The following TCF4 variants were observed in gnomAD, a reference collection of about 807,000 sequenced individuals.
TCF4 encodes the protein SL3-3 enhancer factor 2.
Under a neutral mutation model 82.1 loss-of-function variants are expected in TCF4, and 3 were observed. That is an observed-to-expected ratio of 0.04 (90% CI 0.02 to 0.09). The LOEUF is 0.09. Among genes scored for constraint, TCF4 ranks in the 10% least tolerant of loss-of-function variants. TCF4 has a pLI of 1.00. For synonymous variants in TCF4, 276 were observed against 309.6 expected, an observed-to-expected ratio of 0.89 and a Z score of 1.14; for missense variants, 518 against 852.7, an observed-to-expected ratio of 0.61 and a Z score of 4.89.
intron 3 of TCF4, among the ~76,000 whole-genome samples, chr18:55,513,142 T>G (rs749452373): frequency 1.8e-4 from 27 of 152,288 alleles, no homozygotes; most frequent in Non-Finnish European, 3.2e-4. Context: ...TCACCTGGCA[T>G]GAAGACGATA....
At chr18:55,464,200 CTTTCAAATTAATG>C (rs2095952586) in intron 3 of TCF4, 63 bp from the exon 4 acceptor site, 2 of 1,380,264 alleles carry the variant, frequency 1.4e-6, no homozygotes, top group African/African-American at 1.4e-5. Context: ...TGTATATGCA[CTTTCAAATTAATG>C]TTTCAAATTA....
intron 2 of TCF4, 56 bp from the exon 3 acceptor site, chr18:55,585,408 C>T (rs2147849960): frequency 6.7e-7 from 1 of 1,482,732 alleles, no homozygotes; most frequent in Non-Finnish European, 9.4e-7. Context: ...GCCTTCAGAG[C>T]TCCTCAAAGA....
At chr18:55,282,597 TAA>T in intron 8 of TCF4, among the ~76,000 whole-genome samples, 1 of 152,234 alleles carries the variant, frequency 6.6e-6, no homozygotes, top group Non-Finnish European at 1.5e-5. Context: ...ATTATTATTC[TAA>T]GTATATAGAA....
At chr18:55,474,297 T>C (rs1336602675) in intron 3 of TCF4, among the ~76,000 whole-genome samples, 2 of 152,194 alleles carry the variant, frequency 1.3e-5, no homozygotes, top group Middle Eastern at 3.2e-3. Flanking sequence ...ACCTTGTTCA[T>C]CAGAATTGTA....
In TCF4 at chr18:55,588,108, GCCA is replaced by G; in HGVS notation, c.-94_-92del. On this transcript the variant is annotated 5_prime_UTR_variant, in exon 1 of 20. Coordinates refer to ENST00000354452, the MANE Select transcript of TCF4 (RefSeq NM_001083962.2). Reference sequence around the variant, plus strand: ...GCGGCGTTCATGTCTAACCGCCGCCGCCACCGCCGCCGCCTGCTCCTGCGCCCG... The same window carrying G: ...GCGGCGTTCATGTCTAACCGCCGCCGCCGCCGCCGCCTGCTCCTGCGCCCG... 9.7e-7 allele frequency: 1 copy of G among 1,027,300 alleles called. No homozygotes were observed. Among genetic ancestry groups the G allele is most frequent in the Non-Finnish European group, 1.2e-6 (1 of 862,192 alleles). The allele number at this position is 1,027,300 out of a possible 1,614,324, so 63.6% of individuals were successfully genotyped here. A position where few individuals can be genotyped will look rare whatever the true frequency, so the allele number is the denominator to read the frequency against.
intron 6 of TCF4, among the ~76,000 whole-genome samples, chr18:55,395,933 TC>T (rs146918426): frequency 1.3e-5 from 2 of 151,920 alleles, no homozygotes; most frequent in Non-Finnish European, 2.9e-5. Context: ...AATCTTTTTT[TC>T]CCCCCCTTAA....
intron 8 of TCF4, chr18:55,284,278 G>A (rs1328408492): frequency 2.0e-5 from 3 of 152,166 alleles, no homozygotes; most frequent in East Asian, 1.9e-4. Context: ...CAGGTGTGGC[G>A]GCATGCACCT....
At chr18:55,620,635 C>T (rs1490423734) in intron 2 of TCF4, among the ~76,000 whole-genome samples, 3 of 152,168 alleles carry the variant, frequency 2.0e-5, no homozygotes, top group East Asian at 1.9e-4. Context: ...CTGAGTTCTG[C>T]TTAGGTTTTA....
At chr18:55,581,219 G>A (rs1055413102) in intron 3 of TCF4, among the ~76,000 whole-genome samples, 2 of 152,018 alleles carry the variant, frequency 1.3e-5, no homozygotes, top group Admixed American at 6.6e-5. Context: ...ACAGCAGTGA[G>A]ACCAAGGTTA....
chr18:55,302,642 C>T lies in TCF4; in HGVS notation c.550-22986G>A, dbSNP rs73960228. On this transcript the variant is annotated intron_variant, in intron 8 of 19. Coordinates refer to ENST00000354452, the MANE Select transcript of TCF4 (RefSeq NM_001083962.2). ...TATGAAACTCAGACCCGCAGATGTCCGCTGTGAGGCCTGTGGCTGGCCTAG... is the reference window on the plus strand; with the variant it reads ...TATGAAACTCAGACCCGCAGATGTCTGCTGTGAGGCCTGTGGCTGGCCTAG... 0.011 allele frequency: 16,178 copies of T among 1,490,416 alleles called. 1,371 individuals are homozygous for T. In the African/African-American group the frequency reaches 0.19, roughly 18 times the overall value. The allele number at this position is 1,490,416 out of a possible 1,614,324, so 92.3% of individuals were successfully genotyped here.
upstream of TCF4, chr18:55,589,266 A>G: frequency 9.5e-7 from 1 of 1,051,008 alleles, no homozygotes; most frequent in Non-Finnish European, 1.1e-6. Flanking sequence ...AATTACAAAC[A>G]GTTTACTCTG....
At chr18:55,263,833 G>C (rs182706793) in intron 11 of TCF4, among the ~76,000 whole-genome samples, 2 of 150,820 alleles carry the variant, frequency 1.3e-5, no homozygotes, top group African/African-American at 4.9e-5. Context: ...TTTGAATATA[G>C]ATTTTCACAA....
rs549463401 is a variant in TCF4, at chr18:55,596,078, C to T, written c.287-8942G>A. Reference sequence around the variant, plus strand: ...TGAAACCCCGTCTCTACTAAAAATACAAAAATTAGCCTCGAGTGATGACTC... The same window carrying T: ...TGAAACCCCGTCTCTACTAAAAATATAAAAATTAGCCTCGAGTGATGACTC... On this transcript the variant is annotated intron_variant, in intron 2 of 20. Transcript: ENST00000398339. 170 of 435,230 alleles carry T rather than the reference C, an allele frequency of 3.9e-4. 1 individual carries two copies. The highest frequency in any genetic ancestry group is 6.5e-4 in the Admixed American group (26 of 40,272). The allele number at this position is 435,230 out of a possible 1,614,324, so 27.0% of individuals were successfully genotyped here.
rs763834617 is a variant in TCF4 at position 55,260,054 on chromosome 18, A to G, written c.991-27T>C. The stretch of plus-strand genomic sequence containing the variant: ...TTAAAACAATAAGGAGAAAAAAAAA[A>G]CACCCTCATTCATTAAAATAATTCA... On this transcript the variant is annotated intron_variant, in intron 12 of 19. Transcript: ENST00000354452. The G allele has an allele frequency of 2.7e-6, 4 of 1,506,482 alleles. No homozygotes were observed. The East Asian group carries it at 6.8e-5, about 25-fold the overall frequency. The allele number at this position is 1,506,482 out of a possible 1,614,324, so 93.3% of individuals were successfully genotyped here.
At chr18:55,610,858 G>A (rs1219949234) in intron 2 of TCF4, among the ~76,000 whole-genome samples, 1 of 152,136 alleles carries the variant, frequency 6.6e-6, no homozygotes, top group Non-Finnish European at 1.5e-5. Context: ...TGATGAAAAT[G>A]GAACACTACC....
chr18:55,621,619 T>A (rs1343907036), intron 2 of TCF4, among the ~76,000 whole-genome samples: 52 of 21,864 alleles, frequency 2.4e-3, no homozygotes, highest in African/African-American at 8.9e-3. Context: ...TATATAATAT[T>A]ATATATAATA....
intron 3 of TCF4, among the ~76,000 whole-genome samples, chr18:55,544,749 C>G (rs2097191378): frequency 6.6e-6 from 1 of 152,110 alleles, no homozygotes; most frequent in South Asian, 2.1e-4. Flanking sequence ...TAATCACCTG[C>G]TGCCCTATGG....
chr18:55,305,538 A>G (rs934460109), intron 8 of TCF4, among the ~76,000 whole-genome samples: 4 of 152,246 alleles, frequency 2.6e-5, no homozygotes. Flanking sequence ...AATGCACAGC[A>G]CTAACTGAAT....
Position 55,588,182 on chromosome 18 carries a change from T to C in TCF4, c.-165A>G. 8.6e-7 allele frequency: 1 copy of C among 1,160,360 alleles called. No homozygotes were observed. Among genetic ancestry groups the C allele is most frequent in the Non-Finnish European group, 1.1e-6 (1 of 947,818 alleles). 71.9% of individuals were successfully genotyped at this position (1,160,360 alleles called of 1,614,324 possible). On this transcript the variant is annotated 5_prime_UTR_variant, in exon 1 of 20. Transcript: ENST00000354452. ...CCGCCGCCGCCGCCGCCGCCGCCACTACAGATCCGCAGACACACAGCCAAG... is the reference window on the plus strand; with the variant it reads ...CCGCCGCCGCCGCCGCCGCCGCCACCACAGATCCGCAGACACACAGCCAAG...
Sources: gnomAD v4.1 joint callset for allele counts (sites outside exome capture counted in the v4.1 genomes callset) on GRCh38, gnomAD v4.1.1 for gene constraint, MANE v1.5 for transcripts, NCBI Gene and HGNC (gene_info 2026-07-23, HGNC 2026-07-21) for gene names.